DLGAP2: variants seen among roughly 807,000 people sequenced by gnomAD.
DLGAP2 encodes disks large-associated protein 2.
DLGAP2 carries 26 observed loss-of-function variants against 100.3 expected under a neutral mutation model. The ratio of observed to expected loss-of-function variants is 0.26; its 90% CI spans 0.19 to 0.36. The LOEUF (loss-of-function observed/expected upper bound fraction) is 0.36, where lower values mean the gene tolerates loss of function less well. Among genes scored for constraint, DLGAP2 ranks in the 10% least tolerant of loss-of-function variants. DLGAP2 has a pLI of 1.00. For missense variants in DLGAP2, 1,858 were observed against 1,453.2 expected, an observed-to-expected ratio of 1.28 and a Z score of -4.53; for synonymous variants, 886 against 630.1, an observed-to-expected ratio of 1.41 and a Z score of -6.08.
chr8:1,333,235 A>T (rs1399678215), intron 3 of DLGAP2, among the ~76,000 whole-genome samples: 1 of 151,946 alleles, frequency 6.6e-6, no homozygotes, highest in South Asian at 2.1e-4. Flanking sequence ...ACCCACTGCT[A>T]CCCTGGCCAG....
intron 3 of DLGAP2, among the ~76,000 whole-genome samples, chr8:1,412,561 T>G (rs1796763195): frequency 6.6e-6 from 1 of 152,238 alleles, no homozygotes; most frequent in South Asian, 2.1e-4. Context: ...CCCCAGCCAT[T>G]CCAGCTGTGA....
chr8:1,025,761 G>C (rs1047878834), intron 2 of DLGAP2, among the ~76,000 whole-genome samples: 7 of 152,220 alleles, frequency 4.6e-5, no homozygotes, highest in African/African-American at 1.7e-4. Context: ...GGAGGGACCA[G>C]CCTAACGGGG....
intron 3 of DLGAP2, among the ~76,000 whole-genome samples, chr8:1,315,756 T>A (rs1280000237): frequency 3.1e-5 from 1 of 32,116 alleles, no homozygotes; most frequent in Non-Finnish European, 5.0e-5. Context: ...CTCGAGAAAC[T>A]CAGCAGCTTT....
At chr8:1,057,381 C>T (rs1762363489) in intron 2 of DLGAP2, among the ~76,000 whole-genome samples, 1 of 152,202 alleles carries the variant, frequency 6.6e-6, no homozygotes, top group Admixed American at 6.5e-5. Context: ...TTAATCCAAA[C>T]ATTCAAATGC....
intron 3 of DLGAP2, among the ~76,000 whole-genome samples, chr8:1,312,729 G>T: frequency 6.6e-6 from 1 of 152,208 alleles, no homozygotes; most frequent in Non-Finnish European, 1.5e-5. Context: ...CATACCTTTT[G>T]ACTCAGTTAA....
chr8:1,440,663 C>T (rs954334719), intron 3 of DLGAP2, among the ~76,000 whole-genome samples: 1 of 152,212 alleles, frequency 6.6e-6, no homozygotes, highest in African/African-American at 2.4e-5. Flanking sequence ...ACCGGCTGAG[C>T]GTGGATTGTC....
intron 3 of DLGAP2, among the ~76,000 whole-genome samples, chr8:1,389,959 C>G (rs1796310921): frequency 1.3e-5 from 2 of 152,154 alleles, no homozygotes; most frequent in Admixed American, 6.5e-5. Flanking sequence ...ACAGCTCTCC[C>G]TCACACGTGA....
At position 929,717 on chromosome 8, in the gene DLGAP2, A is replaced by G. The variant is rs1004528825; in HGVS notation, c.73+21751A>G. Among the ~76,000 whole-genome samples, 7 of 135,556 alleles carry G rather than the reference A, an allele frequency of 5.2e-5. No individual in the cohort carries two copies. The East Asian group carries it at 1.1e-3, about 22-fold the overall frequency. The allele number at this position is 135,556 out of a possible 152,430, so 88.9% of individuals were successfully genotyped here. A position where few individuals can be genotyped will look rare whatever the true frequency, so the allele number is the denominator to read the frequency against. Reference sequence around the variant, plus strand: ...CTAAACATCCCACACCGCGGTACTCAAGCAGTGTTTGCCTGGCTTTGGTTG... The same window carrying G: ...CTAAACATCCCACACCGCGGTACTCGAGCAGTGTTTGCCTGGCTTTGGTTG... On this transcript the variant is annotated intron_variant, in intron 2 of 14. Transcript: ENST00000637795.
intron 2 of DLGAP2, among the ~76,000 whole-genome samples, chr8:1,007,259 GGGT>G (rs1280670416): frequency 6.6e-6 from 1 of 152,172 alleles, no homozygotes. Context: ...GTGTCTGCAC[GGGT>G]TGTCTCTGTG....
intron 2 of DLGAP2, among the ~76,000 whole-genome samples, chr8:1,255,077 G>C: frequency 6.9e-6 from 1 of 144,188 alleles, no homozygotes; most frequent in South Asian, 2.3e-4. Flanking sequence ...CCCGGCCGCT[G>C]TGTGTGTGTC....
intron 3 of DLGAP2, among the ~76,000 whole-genome samples, chr8:1,421,524 C>T (rs1416462895): frequency 6.6e-6 from 1 of 152,112 alleles, no homozygotes. Context: ...CCACAGTATT[C>T]CATGGGGTGG....
At chr8:1,505,579 G>C (rs963481934) in intron 4 of DLGAP2, among the ~76,000 whole-genome samples, 4 of 152,222 alleles carry the variant, frequency 2.6e-5, no homozygotes, top group African/African-American at 7.2e-5. Context: ...GTAATTTTAT[G>C]ATGGGGAAAA....
intron 1 of DLGAP2, among the ~76,000 whole-genome samples, chr8:795,229 T>C (rs1381992233): frequency 6.6e-6 from 1 of 152,134 alleles, no homozygotes; most frequent in East Asian, 1.9e-4. Flanking sequence ...GGCAATTTTG[T>C]CAATCAATCA....
rs1050933879 is a variant in DLGAP2, at chr8:882,038, T to C, written c.19-25874T>C. Reference sequence around the variant, plus strand: ...GTGCTCACCTGTGTCCTGTTCATTCTGGGCACTGAATTGTGTGCCATTGGT... The same window carrying C: ...GTGCTCACCTGTGTCCTGTTCATTCCGGGCACTGAATTGTGTGCCATTGGT... On this transcript the variant is annotated intron_variant, in intron 1 of 14. Transcript: ENST00000637795. 5.9e-5 allele frequency among the ~76,000 whole-genome samples: 9 copies of C among 152,332 alleles called. No individual in the cohort carries two copies. In the South Asian group the frequency reaches 1.7e-3, roughly 28 times the overall value.
intron 1 of DLGAP2, among the ~76,000 whole-genome samples, chr8:763,666 G>A (rs1326144717): frequency 6.6e-6 from 1 of 152,168 alleles, no homozygotes; most frequent in Non-Finnish European, 1.5e-5. Flanking sequence ...AGTGCTGGCT[G>A]AGGAGAGGGC....
intron 3 of DLGAP2, among the ~76,000 whole-genome samples, chr8:1,261,804 G>A (rs1214924192): frequency 1.3e-5 from 2 of 152,220 alleles, no homozygotes; most frequent in South Asian, 2.1e-4. Context: ...AGAGCTGGCT[G>A]GGCGCAGAGA....
chr8:1,459,874 C>T (rs1798425896), intron 3 of DLGAP2, among the ~76,000 whole-genome samples: 1 of 151,980 alleles, frequency 6.6e-6, no homozygotes, highest in Non-Finnish European at 1.5e-5. Context: ...TTAGTAGAGA[C>T]AGGGTTTCAC....
At chr8:823,578 C>T (rs1296663142) in intron 1 of DLGAP2, among the ~76,000 whole-genome samples, 1 of 152,132 alleles carries the variant, frequency 6.6e-6, no homozygotes, top group Admixed American at 6.5e-5. Context: ...GCACGGGGCT[C>T]AGCAGGAGAC....
Position 1,047,606 on chromosome 8 carries a change from C to T in DLGAP2, c.73+139640C>T, listed in dbSNP as rs539863845. 2.6e-5 allele frequency among the ~76,000 whole-genome samples: 4 copies of T among 152,240 alleles called. No individual in the cohort carries two copies. In the East Asian group the frequency reaches 7.7e-4, roughly 29 times the overall value. ...GTTCTGGGGTATGGAAGGCCAAGAT[C>T]AAGACACTGGCAGGGTCAGTGTCCA... is the stretch of plus-strand genomic sequence containing the variant. On this transcript the variant is annotated intron_variant, in intron 2 of 14. Coordinates refer to ENST00000637795, the MANE Select transcript of DLGAP2 (RefSeq NM_001346810.2).
Sources: gnomAD v4.1 joint callset for allele counts (sites outside exome capture counted in the v4.1 genomes callset) on GRCh38, gnomAD v4.1.1 for gene constraint, MANE v1.5 for transcripts, NCBI Gene and HGNC (gene_info 2026-07-23, HGNC 2026-07-21) for gene names.